Variants in CTDP1 observed in about 807,000 individuals in gnomAD.
The protein encoded by CTDP1 is CTD phosphatase 1.
In CTDP1, 47 loss-of-function variants were observed where a neutral mutation model predicts 91.8. That is an observed-to-expected ratio of 0.51 (90% CI 0.41 to 0.65). The LOEUF is 0.65. Among genes scored for constraint, CTDP1 ranks in the 30% least tolerant of loss-of-function variants. The pLI is 0.00. For missense variants in CTDP1, 1,272 were observed against 1,373.7 expected, an observed-to-expected ratio of 0.93 and a Z score of 1.17; for synonymous variants, 656 against 598.5, an observed-to-expected ratio of 1.10 and a Z score of -1.40.
chr18:79,737,288 T>C (rs1013810397), intron 12 of CTDP1, among the ~76,000 whole-genome samples: 1 of 152,268 alleles, frequency 6.6e-6, no homozygotes, highest in Non-Finnish European at 1.5e-5. Flanking sequence ...GAGATGTTAC[T>C]ATTGTGCAGA....
chr18:79,717,656 C>T lies in CTDP1; in HGVS notation c.2190C>T (p.Asp730=), dbSNP rs150792349. ...KVEEQLFPLR[D]DHTKAQRENS... is the part of the protein sequence containing the mutation. Reference sequence around the variant, plus strand: ...AGGAGCAGCTCTTCCCGCTCAGGGACGATCACACCAAGGCACAGAGGTGGG... The same window carrying T: ...AGGAGCAGCTCTTCCCGCTCAGGGATGATCACACCAAGGCACAGAGGTGGG... Residue 730 remains aspartate, a synonymous_variant, in exon 9 of 13, where the codon GAC becomes GAT. Transcript: ENST00000613122. The T allele has an allele frequency of 1.1e-4, 185 of 1,613,928 alleles. No homozygotes were observed. Among genetic ancestry groups the T allele is most frequent in the Middle Eastern group, 1.6e-4 (1 of 6,084 alleles).
In CTDP1 at chr18:79,713,178, T is replaced by A; in HGVS notation, c.1030+40T>A. 6.3e-7 allele frequency: 1 copy of A among 1,593,818 alleles called. No individual in the cohort carries two copies. The highest frequency in any genetic ancestry group is 8.6e-7 in the Non-Finnish European group (1 of 1,164,922). On this transcript the variant is annotated intron_variant, in intron 7 of 12. Transcript: ENST00000613122. The surrounding 1 kb of genome is among the most constrained non-coding windows in gnomAD (Gnocchi z 4.7). ...TCCTGATTCTCTAGAAGAATTCACATTTGCTTATTGTTTAGCTCTTCTTAT... is the reference window on the plus strand; with the variant it reads ...TCCTGATTCTCTAGAAGAATTCACAATTGCTTATTGTTTAGCTCTTCTTAT...
Position 79,714,857 on chromosome 18 carries a change from G to A in CTDP1, c.1397G>A (p.Gly466Asp), listed in dbSNP as rs1221206818. The A allele has an allele frequency of 6.3e-7, 1 of 1,588,866 alleles. No individual in the cohort carries two copies. Among genetic ancestry groups the A allele is most frequent in the Non-Finnish European group, 8.6e-7 (1 of 1,168,686 alleles). ...SDSESSSESE[G>D]TKSSSSASDG... ...AGCGAGAGCAGCAGTGAGTCCGAGG[G>A]CACGAAGTCCTCCTCCTCCGCCTCT... Residue 466 changes from glycine (G) to aspartate (D), a missense_variant, in exon 8 of 13, where the codon GGC (glycine) becomes GAC (aspartate). Physicochemically the swap from Gly to Asp is moderately conservative, Grantham distance 94. This residue lies in a region of CTDP1 where 881 missense variants were observed against 911.6 expected (regional missense o/e 0.97). Coordinates refer to ENST00000613122, the MANE Select transcript of CTDP1 (RefSeq NM_004715.5).
intron 12 of CTDP1, among the ~76,000 whole-genome samples, chr18:79,737,407 G>C (rs986024713): frequency 2.6e-5 from 4 of 152,156 alleles, no homozygotes; most frequent in Non-Finnish European, 5.9e-5. Context: ...TGTAAATTAA[G>C]ATTTATTTTT....
intron 4 of CTDP1, among the ~76,000 whole-genome samples, chr18:79,700,189 C>T (rs2085830274): frequency 6.6e-6 from 1 of 152,160 alleles, no homozygotes; most frequent in African/African-American, 2.4e-5. Context: ...CCTACAGTGA[C>T]CTCTGAGTGT....
intron 11 of CTDP1, among the ~76,000 whole-genome samples, chr18:79,733,263 G>A (rs952038427): frequency 4.6e-5 from 7 of 151,118 alleles, no homozygotes; most frequent in Admixed American, 6.6e-5. Context: ...TCCTCGCGCC[G>A]CAGCCTCGGC....
rs139570493 is a variant in CTDP1, at chr18:79,717,824, C to T, written c.2225C>T (p.Ala742Val). 149 of 1,613,584 alleles carry T rather than the reference C, an allele frequency of 9.2e-5. No homozygotes were observed. The highest frequency in any genetic ancestry group is 1.3e-4 in the East Asian group (6 of 44,898). Residue 742 changes from alanine (A) to valine (V), a missense_variant, in exon 10 of 13, where the codon GCG becomes GTG. By Grantham distance (64) the Ala-to-Val change is moderately conservative. Coordinates refer to ENST00000613122, the MANE Select transcript of CTDP1 (RefSeq NM_004715.5). ...HTKAQRENSP[A>V]AFPDREGVPP... ...TCCTCCGACAGGGAGAACAGCCCTG[C>T]GGCCTTTCCCGACCGGGAGGGTGTG...
chr18:79,741,107 G>T (rs889987495), intron 12 of CTDP1, among the ~76,000 whole-genome samples: 3 of 148,034 alleles, frequency 2.0e-5, no homozygotes, highest in Non-Finnish European at 4.4e-5. Context: ...TGAGGTCCCC[G>T]TGTGGTTGAT....
At chr18:79,701,715 G>A (rs939432631) in intron 4 of CTDP1, among the ~76,000 whole-genome samples, 6 of 152,180 alleles carry the variant, frequency 3.9e-5, no homozygotes, top group African/African-American at 1.4e-4. Flanking sequence ...TTCATGGGAA[G>A]AGGTCAGAGT....
chr18:79,694,526 G>C (rs1229959754), intron 1 of CTDP1, among the ~76,000 whole-genome samples: 1 of 149,878 alleles, frequency 6.7e-6, no homozygotes, highest in Non-Finnish European at 1.5e-5. Context: ...AGCCCGGCTG[G>C]GGTGGGAGTG....
intron 6 of CTDP1, among the ~76,000 whole-genome samples, chr18:79,710,855 ATT>A (rs1182152616): frequency 6.6e-6 from 1 of 152,044 alleles, no homozygotes; most frequent in African/African-American, 2.4e-5. Context: ...CTAGAGCAGT[ATT>A]TCTGTATTGA....
At chr18:79,724,441 C>T (rs1005129945) in intron 10 of CTDP1, among the ~76,000 whole-genome samples, 7 of 152,176 alleles carry the variant, frequency 4.6e-5, no homozygotes, top group Admixed American at 3.3e-4. Flanking sequence ...TTTTCAGCAG[C>T]GGTGAGTGAC....
At position 79,728,915 on chromosome 18, in the gene CTDP1, C is replaced by T. The variant is rs749798073; in HGVS notation, c.2426C>T (p.Pro809Leu). 1.1e-5 allele frequency: 18 copies of T among 1,613,894 alleles called. No individual in the cohort carries two copies. Among genetic ancestry groups the T allele is most frequent in the South Asian group, 9.9e-5 (9 of 91,088 alleles). Residue 809 changes from proline to leucine, a missense_variant, in exon 11 of 13, where the codon CCG becomes CTG. Physicochemically the swap from Pro to Leu is moderately conservative, Grantham distance 98. Around this residue, in one of 3 missense-constraint regions of CTDP1, gnomAD observed 881 missense variants for 911.6 expected, o/e 0.97. Transcript: ENST00000613122. ...RQEPSSFRAV[P>L]PPQPQMFGEE... ...TATGAAATTCCTTTCAGAGCGGTTCCGCCACCCCAGCCGCAGATGTTTGGT... is the reference window on the plus strand; with the variant it reads ...TATGAAATTCCTTTCAGAGCGGTTCTGCCACCCCAGCCGCAGATGTTTGGT...
chr18:79,725,242 C>T (rs946532720), intron 10 of CTDP1, among the ~76,000 whole-genome samples: 2 of 152,178 alleles, frequency 1.3e-5, no homozygotes, highest in African/African-American at 4.8e-5. Flanking sequence ...GCACTTGTCA[C>T]GTTGTGTGCC....
intron 11 of CTDP1, among the ~76,000 whole-genome samples, chr18:79,729,598 G>A (rs1039076605): frequency 3.9e-5 from 6 of 152,234 alleles, no homozygotes; most frequent in Non-Finnish European, 7.3e-5. Flanking sequence ...AGGCAGCATC[G>A]GTGGAGCTGG....
intron 12 of CTDP1, among the ~76,000 whole-genome samples, chr18:79,738,455 G>A (rs1442132933): frequency 2.0e-5 from 3 of 152,198 alleles, no homozygotes; most frequent in East Asian, 3.9e-4. Context: ...GTGAAATGAG[G>A]TAGGAGCAGC....
chr18:79,704,185 C>T (rs2122553874), intron 4 of CTDP1, among the ~76,000 whole-genome samples: 1 of 152,356 alleles, frequency 6.6e-6, no homozygotes. Context: ...ACTACTTACA[C>T]AGTGGGTTTT....
At chr18:79,685,101 C>T (rs893475741) in intron 1 of CTDP1, among the ~76,000 whole-genome samples, 1 of 93,126 alleles carries the variant, frequency 1.1e-5, no homozygotes, top group African/African-American at 3.7e-5. Context: ...GCAGATGCCT[C>T]GTGGTGTGCT....
chr18:79,697,993 G>T lies in CTDP1; in HGVS notation c.621+5G>T, dbSNP rs1230802054. On this transcript the variant is annotated splice_donor_5th_base_variant and intron_variant, in intron 4 of 12. Coordinates refer to ENST00000613122, the MANE Select transcript of CTDP1 (RefSeq NM_004715.5). ...TGTCAGCAGATGTCGAATAAAGTGA[G>T]TGCAGTCAGCATCTACGGACAGTTT... 3.7e-6 allele frequency: 6 copies of T among 1,614,092 alleles called. No homozygotes were observed. The highest frequency in any genetic ancestry group is 1.7e-6 in the Non-Finnish European group (2 of 1,180,040).
Sources: allele counts gnomAD v4.1 joint callset (sites outside exome capture counted in the v4.1 genomes callset), GRCh38; gene constraint gnomAD v4.1.1; regional missense constraint gnomAD v4.1.1; non-coding constraint Gnocchi (gnomAD v3.1); transcripts MANE v1.5; gene names NCBI Gene and HGNC (gene_info 2026-07-23, HGNC 2026-07-21).